The following ANO10 variants were observed in gnomAD, a reference collection of about 807,000 sequenced individuals.
ANO10 encodes anoctamin-10.
Under a neutral mutation model 74.7 loss-of-function variants are expected in ANO10, and 77 were observed. The ratio of observed to expected loss-of-function variants is 1.03; its 90% CI spans 0.86 to 1.25. The LOEUF is 1.25. Among genes scored for constraint, ANO10 ranks in the 50% most tolerant of loss-of-function variants. ANO10 has a pLI of 0.00. For synonymous variants in ANO10, 279 were observed against 284.9 expected, an observed-to-expected ratio of 0.98 and a Z score of 0.21; for missense variants, 721 against 778.1, an observed-to-expected ratio of 0.93 and a Z score of 0.87.
At chr3:43,615,407 T>C (rs1331699586) in intron 1 of ANO10, among the ~76,000 whole-genome samples, 1 of 152,136 alleles carries the variant, frequency 6.6e-6, no homozygotes, top group African/African-American at 2.4e-5. Flanking sequence ...AAAAGCTGCA[T>C]CAATGGCTAC....
intron 12 of ANO10, among the ~76,000 whole-genome samples, chr3:43,429,278 C>A (rs1010896606): frequency 6.6e-6 from 1 of 152,088 alleles, no homozygotes; most frequent in Admixed American, 6.6e-5. Context: ...TAATTTCATT[C>A]TCTCAAGAAG....
chr3:43,388,202 C>A (rs2092178855), intron 12 of ANO10, among the ~76,000 whole-genome samples: 1 of 152,130 alleles, frequency 6.6e-6, no homozygotes. Context: ...CCTTGTCAAA[C>A]CACACCAGGT....
intron 11 of ANO10, among the ~76,000 whole-genome samples, chr3:43,495,138 GA>G (rs556248161): frequency 3.9e-5 from 6 of 151,962 alleles, no homozygotes; most frequent in Non-Finnish European, 8.8e-5. Context: ...TAGGTTACTG[GA>G]AAAGACGGTT....
At chr3:43,690,839 C>A in intron 1 of ANO10, 1 of 710,572 alleles carries the variant, frequency 1.4e-6, no homozygotes, top group Non-Finnish European at 2.0e-6. Context: ...GCCGCGCACG[C>A]GCAAACGCGG....
chr3:43,689,422 T>C (rs2084321634), intron 1 of ANO10: 1 of 152,224 alleles, frequency 6.6e-6, no homozygotes, highest in African/African-American at 2.4e-5. Context: ...CAGCTCCTTC[T>C]GTATTTGGAG....
At chr3:43,547,645 T>C (rs529828016) in intron 11 of ANO10, among the ~76,000 whole-genome samples, 2 of 152,314 alleles carry the variant, frequency 1.3e-5, no homozygotes, top group South Asian at 4.1e-4. Context: ...CAAGTATCCC[T>C]AGAATGTGCA....
intron 11 of ANO10, among the ~76,000 whole-genome samples, chr3:43,502,104 T>G (rs2077121741): frequency 6.6e-6 from 1 of 152,200 alleles, no homozygotes; most frequent in Admixed American, 6.5e-5. Flanking sequence ...AGTATGGAAA[T>G]TCCTCAAATA....
At chr3:43,410,600 A>C (rs557609123) in intron 12 of ANO10, among the ~76,000 whole-genome samples, 1 of 152,250 alleles carries the variant, frequency 6.6e-6, no homozygotes, top group African/African-American at 2.4e-5. Context: ...ATATTTTCTT[A>C]AACAATAAGA....
intron 11 of ANO10, among the ~76,000 whole-genome samples, chr3:43,527,628 T>C (rs1462925043): frequency 6.6e-6 from 1 of 152,034 alleles, no homozygotes; most frequent in African/African-American, 2.4e-5. Context: ...AGATAAGCAA[T>C]GGCATGAACT....
chr3:43,665,412 T>C (rs912067226), intron 1 of ANO10, among the ~76,000 whole-genome samples: 3 of 152,098 alleles, frequency 2.0e-5, no homozygotes, highest in African/African-American at 7.2e-5. Flanking sequence ...TTAGGAGAAA[T>C]ACCTAATGTA....
intron 1 of ANO10, chr3:43,689,492 T>C (rs1468518484): frequency 3.9e-5 from 6 of 152,346 alleles, no homozygotes; most frequent in African/African-American, 1.2e-4. Context: ...AAAATGTTTT[T>C]TATATGTTCT....
intron 11 of ANO10, chr3:43,485,267 T>C (rs537414182): frequency 6.4e-4 from 390 of 610,318 alleles, no homozygotes; most frequent in Middle Eastern, 3.1e-3. Context: ...TAGCTGCTGT[T>C]TGCCGCCCTT....
intron 11 of ANO10, chr3:43,485,954 A>T (rs902962069): frequency 1.7e-5 from 4 of 231,826 alleles, no homozygotes; most frequent in Non-Finnish European, 2.6e-5. Flanking sequence ...CACTTGAAGA[A>T]AATAAAAATA....
intron 7 of ANO10, 30 bp from the exon 8 acceptor site, chr3:43,565,757 T>C (rs753797084): frequency 1.1e-5 from 16 of 1,484,958 alleles, no homozygotes; most frequent in East Asian, 2.5e-5. Context: ...AAAAGATAAG[T>C]GTTAAGCACT....
chr3:43,520,699 T>C (rs1341122458), intron 11 of ANO10, among the ~76,000 whole-genome samples: 2 of 152,150 alleles, frequency 1.3e-5, no homozygotes, highest in African/African-American at 2.4e-5. Flanking sequence ...GTTTTGAAAT[T>C]TGGAAATGTG....
chr3:43,479,580 G>C (rs2076192123), intron 11 of ANO10, among the ~76,000 whole-genome samples: 1 of 152,164 alleles, frequency 6.6e-6, no homozygotes, highest in African/African-American at 2.4e-5. Flanking sequence ...AAAGTTGAAG[G>C]CTGCAGACAT....
At chr3:43,593,783 G>A (rs576959672) in intron 4 of ANO10, among the ~76,000 whole-genome samples, 130 of 152,246 alleles carry the variant, frequency 8.5e-4, no homozygotes, top group African/African-American at 2.8e-3. Flanking sequence ...ATGTAAATGG[G>A]CTAAATGCTC....
intron 4 of ANO10, among the ~76,000 whole-genome samples, chr3:43,594,680 C>T (rs945582237): frequency 6.6e-6 from 1 of 152,106 alleles, no homozygotes. Context: ...AAAATTGACA[C>T]CCTAACATCA....
intron 1 of ANO10, chr3:43,691,037 G>C: frequency 6.4e-7 from 1 of 1,558,910 alleles, no homozygotes; most frequent in Non-Finnish European, 8.7e-7. Flanking sequence ...ACACCGGAGA[G>C]AGGTAAGCGC....
Sources: gnomAD v4.1 joint callset for allele counts (sites outside exome capture counted in the v4.1 genomes callset) on GRCh38, gnomAD v4.1.1 for gene constraint, MANE v1.5 for transcripts, NCBI Gene and HGNC (gene_info 2026-07-23, HGNC 2026-07-21) for gene names.